Variants in MAPK4 observed in about 807,000 individuals in gnomAD.
MAPK4 encodes Erk3-related.
Under a neutral mutation model 47.7 loss-of-function variants are expected in MAPK4, and 22 were observed. That is an observed-to-expected ratio of 0.46 (90% CI 0.33 to 0.66). The LOEUF is 0.66. Ranked by LOEUF, MAPK4 falls within the 30% of genes least tolerant of loss-of-function variation. The probability of loss-of-function intolerance (pLI) is 0.02; values close to 1 mark genes in which losing one functional copy is unlikely to be tolerated. For synonymous variants in MAPK4, 390 were observed against 365.7 expected (o/e 1.07, Z -0.76); for missense variants, 736 against 831.7 (o/e 0.88, Z 1.42).
intron 1 of MAPK4, among the ~76,000 whole-genome samples, chr18:50,651,693 A>G (rs1426138388): frequency 1.3e-5 from 2 of 152,176 alleles, no homozygotes; most frequent in African/African-American, 2.4e-5. Flanking sequence ...GTGTCACCAT[A>G]ATGGACTTGG....
intron 1 of MAPK4, among the ~76,000 whole-genome samples, chr18:50,648,011 A>G (rs2043007079): frequency 6.6e-6 from 1 of 152,164 alleles, no homozygotes; most frequent in Admixed American, 6.5e-5. Flanking sequence ...ACTACATGCC[A>G]GAAACCATAC....
intron 3 of MAPK4, among the ~76,000 whole-genome samples, chr18:50,719,358 CAAA>C (rs869254653): frequency 5.5e-5 from 6 of 108,160 alleles, no homozygotes; most frequent in Middle Eastern, 4.0e-3. Flanking sequence ...AAAAACAAAA[CAAA>C]AAAAAATACA....
chr18:50,617,109 G>A (rs1046341265), intron 1 of MAPK4, among the ~76,000 whole-genome samples: 5 of 152,180 alleles, frequency 3.3e-5, no homozygotes, highest in African/African-American at 1.2e-4. Flanking sequence ...TATTGTGCAA[G>A]ATGGAGGACC....
chr18:50,560,378 C>T (rs2042141954), intron 1 of MAPK4, 135 bp downstream of exon 1: 1 of 152,148 alleles, frequency 6.6e-6, no homozygotes, highest in African/African-American at 2.4e-5. Flanking sequence ...AACAATAAGC[C>T]CCCCAGGCCA....
At chr18:50,686,519 C>A (rs1225449393) in intron 2 of MAPK4, among the ~76,000 whole-genome samples, 1 of 152,232 alleles carries the variant, frequency 6.6e-6, no homozygotes, top group Non-Finnish European at 1.5e-5. Flanking sequence ...AGATGTGGCT[C>A]CCGATTTAAG....
intron 1 of MAPK4, among the ~76,000 whole-genome samples, chr18:50,583,375 C>G (rs1404757429): frequency 1.3e-5 from 2 of 152,160 alleles, no homozygotes; most frequent in African/African-American, 4.8e-5. Flanking sequence ...ATTGCCTGAG[C>G]TCAGGAGTTT....
At chr18:50,687,674 C>G (rs527342305) in intron 2 of MAPK4, among the ~76,000 whole-genome samples, 8 of 152,188 alleles carry the variant, frequency 5.3e-5, no homozygotes, top group African/African-American at 1.9e-4. Context: ...CCACTCCCAG[C>G]GAGACTCTGC....
chr18:50,615,663 G>A (rs759453446), intron 1 of MAPK4, among the ~76,000 whole-genome samples: 8 of 152,190 alleles, frequency 5.3e-5, no homozygotes, highest in Non-Finnish European at 1.2e-4. Flanking sequence ...AGAGGAGAAC[G>A]CCATTTGGGT....
intron 2 of MAPK4, among the ~76,000 whole-genome samples, chr18:50,703,168 C>T (rs1487669692): frequency 6.6e-6 from 1 of 152,154 alleles, no homozygotes; most frequent in Non-Finnish European, 1.5e-5. Context: ...CTTTCTGCTG[C>T]CCTCCTCCCC....
intron 1 of MAPK4, among the ~76,000 whole-genome samples, chr18:50,648,376 A>G (rs2043011660): frequency 6.6e-6 from 1 of 152,142 alleles, no homozygotes; most frequent in South Asian, 2.1e-4. Context: ...AGACAGGTGC[A>G]GGCATGACCG....
Position 50,676,869 on chromosome 18 carries a change from A to G in MAPK4, c.546+12365A>G, listed in dbSNP as rs114041977. Among the ~76,000 whole-genome samples, 370 of 152,352 alleles carry G rather than the reference A, an allele frequency of 2.4e-3. 3 individuals carry two copies. The highest frequency in any genetic ancestry group is 8.6e-3 in the African/African-American group (356 of 41,576). ...TGAAGATGGTATGATCATAAGTTTA[A>G]AACAAGGAGAAAATAACTAAACATT... On this transcript the variant is annotated intron_variant, in intron 2 of 5. Coordinates refer to ENST00000400384, the MANE Select transcript of MAPK4 (RefSeq NM_002747.4).
intron 1 of MAPK4, among the ~76,000 whole-genome samples, chr18:50,582,410 T>C (rs1372080263): frequency 6.6e-6 from 1 of 152,322 alleles, no homozygotes; most frequent in African/African-American, 2.4e-5. Flanking sequence ...AGCTCCCTGA[T>C]GTTAGAATGG....
intron 3 of MAPK4, among the ~76,000 whole-genome samples, chr18:50,720,717 T>G (rs1021340673): frequency 4.6e-5 from 7 of 152,176 alleles, no homozygotes; most frequent in African/African-American, 1.7e-4. Context: ...CATGGTCCCC[T>G]GGTGGGTGGT....
chr18:50,602,491 A>G (rs556575983), intron 1 of MAPK4, among the ~76,000 whole-genome samples: 1 of 152,314 alleles, frequency 6.6e-6, no homozygotes, highest in Non-Finnish European at 1.5e-5. Flanking sequence ...ACTGTGTGAT[A>G]CTTTACTTTA....
At chr18:50,619,266 T>C (rs868451057) in intron 1 of MAPK4, among the ~76,000 whole-genome samples, 1 of 152,164 alleles carries the variant, frequency 6.6e-6, no homozygotes, top group South Asian at 2.1e-4. Context: ...CTGTGAAGGG[T>C]TTACCCAGTA....
At chr18:50,697,533 A>C (rs1373244086) in intron 2 of MAPK4, among the ~76,000 whole-genome samples, 1 of 152,264 alleles carries the variant, frequency 6.6e-6, no homozygotes, top group Admixed American at 6.5e-5. Context: ...GGTGATGGTG[A>C]TGATTAGTTC....
chr18:50,639,457 T>C (rs2144176753), intron 1 of MAPK4, among the ~76,000 whole-genome samples: 1 of 152,320 alleles, frequency 6.6e-6, no homozygotes, highest in South Asian at 2.1e-4. Flanking sequence ...TGAACCACTT[T>C]TATGGTTCAA....
intron 2 of MAPK4, chr18:50,669,188 G>A (rs9956244): frequency 0.11 from 16,000 of 152,276 alleles, 963 homozygotes; most frequent in Middle Eastern, 0.14. Flanking sequence ...CCTTTCTACC[G>A]CTTCCTCTGC....
At chr18:50,564,801 C>T (rs373022160) in intron 1 of MAPK4, among the ~76,000 whole-genome samples, 2 of 152,196 alleles carry the variant, frequency 1.3e-5, no homozygotes, top group Non-Finnish European at 2.9e-5. Context: ...AAGATCATCC[C>T]CGCCTGCTGC....
Sources: gnomAD v4.1 joint callset for allele counts (sites outside exome capture counted in the v4.1 genomes callset) on GRCh38, gnomAD v4.1.1 for gene constraint, MANE v1.5 for transcripts, NCBI Gene and HGNC (gene_info 2026-07-23, HGNC 2026-07-21) for gene names.